Variants in CDYL2 observed in about 807,000 individuals in gnomAD.
The protein encoded by CDYL2 is chromodomain Y-like protein 2.
Under a neutral mutation model 49.4 loss-of-function variants are expected in CDYL2, and 23 were observed. The ratio of observed to expected loss-of-function variants is 0.47; its 90% confidence interval spans 0.34 to 0.66. The LOEUF is 0.66. Among genes scored for constraint, CDYL2 ranks in the 30% least tolerant of loss-of-function variants. The pLI, the probability that CDYL2 is intolerant of heterozygous loss-of-function variation, is 0.01. For synonymous variants in CDYL2, 360 were observed against 268.8 expected (o/e 1.34, Z -3.32); for missense variants, 678 against 656.4 (o/e 1.03, Z -0.36).
rs147938961 is a variant in CDYL2, at chr16:80,649,958, T to C, written c.617-16722A>G. On this transcript the variant is annotated intron_variant, in intron 2 of 6. Coordinates refer to ENST00000570137, the MANE Select transcript of CDYL2 (RefSeq NM_152342.4). ...CCCCTATCCTATCTCCTGCCATATA[T>C]AAAAATCAAATCAAAATTGAAAAGA... is the stretch of plus-strand genomic sequence containing the variant. 7.5e-4 allele frequency among the ~76,000 whole-genome samples: 114 copies of C among 152,158 alleles called. 1 individual carries two copies. The highest frequency in any genetic ancestry group is 1.3e-3 in the Non-Finnish European group (85 of 67,968).
chr16:80,755,846 T>C (rs1002718959), intron 1 of CDYL2, among the ~76,000 whole-genome samples: 1 of 152,194 alleles, frequency 6.6e-6, no homozygotes, highest in African/African-American at 2.4e-5. Flanking sequence ...GTGGAGACTA[T>C]GGGAGCAGGG....
At chr16:80,794,307 T>C (rs1341051268) in intron 1 of CDYL2, among the ~76,000 whole-genome samples, 2 of 152,160 alleles carry the variant, frequency 1.3e-5, no homozygotes. Context: ...TTGACTGGGG[T>C]GACTGTGCTG....
In CDYL2 at chr16:80,604,027, G is replaced by A. The variant is rs537586824; in HGVS notation, c.*361C>T. 1 of 260,144 alleles carries A rather than the reference G, an allele frequency of 3.8e-6. No individual in the cohort carries two copies. The highest frequency in any genetic ancestry group is 2.2e-5 in the African/African-American group (1 of 45,740). 16.1% of individuals were successfully genotyped at this position (260,144 alleles called of 1,614,324 possible). On this transcript the variant is annotated 3_prime_UTR_variant, in exon 7 of 7. Coordinates refer to ENST00000570137, the MANE Select transcript of CDYL2 (RefSeq NM_152342.4). The stretch of plus-strand genomic sequence containing the variant: ...GCCAAGTCTCCAAGTCAGAGGCACT[G>A]TGTAGACACAGCCTGAGTCAGAAGA...
At chr16:80,804,976 A>G (rs1597141727), upstream of CDYL2, among the ~76,000 whole-genome samples, 1 of 152,068 alleles carries the variant, frequency 6.6e-6, no homozygotes, top group South Asian at 2.1e-4. Context: ...CCCTCCCTCC[A>G]GGCTGGGTTG....
rs966789395 is a variant in CDYL2, at chr16:80,794,598, A to ATTTT, written c.24+9548_24+9551dup. Among the ~76,000 whole-genome samples the ATTTT allele has an allele frequency of 5.5e-4, 37 of 66,862 alleles. 1 individual carries two copies. The highest frequency in any genetic ancestry group is 9.2e-4 in the Non-Finnish European group (31 of 33,688). The allele number at this position is 66,862 out of a possible 152,430, so 43.9% of individuals were successfully genotyped here. A position where few individuals can be genotyped will look rare whatever the true frequency, so the allele number is the denominator to read the frequency against. ...TTTTTTAATTATTACATTCCCAGTGATTTTTTTTTTTTTTTTTTTTTTTTT... is the reference window on the plus strand; with the variant it reads ...TTTTTTAATTATTACATTCCCAGTGATTTTTTTTTTTTTTTTTTTTTTTTTTTTT... On this transcript the variant is annotated intron_variant, in intron 1 of 6. Coordinates refer to ENST00000570137, the MANE Select transcript of CDYL2 (RefSeq NM_152342.4).
intron 1 of CDYL2, among the ~76,000 whole-genome samples, chr16:80,725,265 T>C (rs1056457592): frequency 1.3e-5 from 2 of 152,226 alleles, no homozygotes; most frequent in African/African-American, 2.4e-5. Flanking sequence ...CCTAGTTTAA[T>C]GTCACTTCCT....
chr16:80,786,856 T>C (rs1458995438), intron 1 of CDYL2, among the ~76,000 whole-genome samples: 1 of 148,920 alleles, frequency 6.7e-6, no homozygotes, highest in Non-Finnish European at 1.5e-5. Context: ...CACTCAGAAG[T>C]GGGAGTTGAA....
intron 1 of CDYL2, among the ~76,000 whole-genome samples, chr16:80,769,478 C>T (rs1906835269): frequency 6.6e-6 from 1 of 152,196 alleles, no homozygotes; most frequent in Non-Finnish European, 1.5e-5. Flanking sequence ...AGAAGAGTTA[C>T]TCTATTGCTA....
At chr16:80,704,949 G>A (rs1904355697) in intron 1 of CDYL2, among the ~76,000 whole-genome samples, 2 of 152,316 alleles carry the variant, frequency 1.3e-5, no homozygotes, top group South Asian at 4.1e-4. Context: ...GTTGGCCAAG[G>A]TAGGGGCTCC....
At chr16:80,739,854 A>G (rs1905674426) in intron 1 of CDYL2, among the ~76,000 whole-genome samples, 1 of 152,204 alleles carries the variant, frequency 6.6e-6, no homozygotes, top group African/African-American at 2.4e-5. Context: ...ACGGCAGGCC[A>G]ATTACAGCCC....
intron 1 of CDYL2, among the ~76,000 whole-genome samples, chr16:80,762,398 A>T (rs1906563159): frequency 6.6e-6 from 1 of 152,206 alleles, no homozygotes; most frequent in Non-Finnish European, 1.5e-5. Context: ...ACGTGGAAAG[A>T]GCAGAATATG....
At chr16:80,783,177 C>T (rs1597131913) in intron 1 of CDYL2, among the ~76,000 whole-genome samples, 2 of 152,036 alleles carry the variant, frequency 1.3e-5, no homozygotes, top group Non-Finnish European at 2.9e-5. Context: ...AACAAAAAAA[C>T]AAACACCTCA....
At chr16:80,653,735 T>C (rs1040040191) in intron 2 of CDYL2, among the ~76,000 whole-genome samples, 6 of 152,216 alleles carry the variant, frequency 3.9e-5, no homozygotes, top group African/African-American at 7.2e-5. Context: ...TTTTAAAGAA[T>C]ATGTTTTAGG....
chr16:80,763,122 T>C (rs112741924), intron 1 of CDYL2, among the ~76,000 whole-genome samples: 2,086 of 151,842 alleles, frequency 0.014, 44 homozygotes, highest in African/African-American at 0.048. Flanking sequence ...GAGCTGAGAC[T>C]GTGCCACTGC....
chr16:80,705,417 G>C (rs780334082), intron 1 of CDYL2, among the ~76,000 whole-genome samples: 3 of 152,234 alleles, frequency 2.0e-5, no homozygotes, highest in Non-Finnish European at 4.4e-5. Flanking sequence ...TCCTCCACCT[G>C]CCAAGGCCTC....
Position 80,672,266 on chromosome 16 carries a change from T to C in CDYL2, c.616+12272A>G, listed in dbSNP as rs148398761. On this transcript the variant is annotated intron_variant, in intron 2 of 6. Coordinates refer to ENST00000570137, the MANE Select transcript of CDYL2 (RefSeq NM_152342.4). ...ATATGGAAATAGACGGAAACAGACA[T>C]ACGCTATATTGAGCAGAAAAATCAA... Among the ~76,000 whole-genome samples the C allele has an allele frequency of 1.0e-4, 15 of 150,142 alleles. No individual in the cohort carries two copies. In the East Asian group the frequency reaches 2.9e-3, roughly 29 times the overall value.
At chr16:80,605,489 A>C (rs1273967511) in intron 6 of CDYL2, among the ~76,000 whole-genome samples, 1 of 149,510 alleles carries the variant, frequency 6.7e-6, no homozygotes, top group Non-Finnish European at 1.5e-5. Flanking sequence ...AGCAATAATC[A>C]TAGTAATAAT....
chr16:80,794,168 T>G (rs1907695044), intron 1 of CDYL2, among the ~76,000 whole-genome samples: 1 of 152,218 alleles, frequency 6.6e-6, no homozygotes, highest in African/African-American at 2.4e-5. Flanking sequence ...GCCAGTCTTC[T>G]CAATAAACCG....
chr16:80,678,070 G>A (rs1909828046), intron 2 of CDYL2, among the ~76,000 whole-genome samples: 1 of 152,074 alleles, frequency 6.6e-6, no homozygotes, highest in African/African-American at 2.4e-5. Context: ...GTAGAAAGCT[G>A]AAACTGGATC....
Sources: gnomAD v4.1 joint callset for allele counts (sites outside exome capture counted in the v4.1 genomes callset) on GRCh38, gnomAD v4.1.1 for gene constraint, MANE v1.5 for transcripts, NCBI Gene and HGNC (gene_info 2026-07-23, HGNC 2026-07-21) for gene names.